USP40: variants seen among roughly 807,000 people sequenced by gnomAD.
The protein encoded by USP40 is ubiquitin carboxyl-terminal hydrolase 40.
A neutral mutation model predicts 166.2 loss-of-function variants in USP40; 143 were observed. The ratio of observed to expected loss-of-function variants is 0.86; its 90% CI spans 0.75 to 0.99. The LOEUF is 0.99. USP40 is among the 50% of genes least tolerant of loss of function. USP40 has a pLI of 0.00. For missense variants in USP40, 1,444 were observed against 1,479.7 expected, an observed-to-expected ratio of 0.98 and a Z score of 0.40; for synonymous variants, 498 against 524.0, an observed-to-expected ratio of 0.95 and a Z score of 0.68.
chr2:233,557,035 C>T lies in USP40; in HGVS notation c.382-16G>A. 6.3e-7 allele frequency: 1 copy of T among 1,591,528 alleles called. No homozygotes were observed. The highest frequency in any genetic ancestry group is 8.5e-7 in the Non-Finnish European group (1 of 1,170,650). Reference sequence around the variant, plus strand: ...GCCTCATTTCCTACAAAACAGGTAACTTTTAGATGTAATTCCGGGCTTCAG... The same window carrying T: ...GCCTCATTTCCTACAAAACAGGTAATTTTTAGATGTAATTCCGGGCTTCAG... On this transcript the variant is annotated splice_polypyrimidine_tract_variant and intron_variant, in intron 4 of 31. Coordinates refer to ENST00000678225, the MANE Select transcript of USP40 (RefSeq NM_001365479.2).
At position 233,481,255 on chromosome 2, in the gene USP40, C is replaced by A; in HGVS notation, c.3547G>T (p.Asp1183Tyr). Residue 1183 changes from aspartate to tyrosine, a missense_variant, in exon 31 of 32, where the codon GAT (aspartate) becomes TAT (tyrosine). By Grantham distance (160) the Asp-to-Tyr change is radical. Transcript: ENST00000678225. The stretch of plus-strand genomic sequence containing the variant: ...TTCTGCTTTTCTTTTCCAGTGTCAT[C>A]TCTGATTGTACTGAAATCATCATCG... ...DDDDDFSTIR[D>Y]DTGKEKQKQR... 2 of 1,608,152 alleles carry A rather than the reference C, an allele frequency of 1.2e-6. No homozygotes were observed. The highest frequency in any genetic ancestry group is 1.7e-6 in the Non-Finnish European group (2 of 1,177,118).
intron 10 of USP40, among the ~76,000 whole-genome samples, chr2:233,538,803 G>T: frequency 6.6e-6 from 1 of 152,106 alleles, no homozygotes; most frequent in East Asian, 1.9e-4. Context: ...GATCTCTTGA[G>T]CCCAGAAGTT....
chr2:233,518,548 CAG>C (rs1431449624), intron 18 of USP40, among the ~76,000 whole-genome samples: 2 of 123,266 alleles, frequency 1.6e-5, no homozygotes, highest in African/African-American at 6.3e-5. Context: ...GCCTGGCTGA[CAG>C]AGTGAGACTC....
chr2:233,478,755 G>A (rs1166060976), intron 31 of USP40, among the ~76,000 whole-genome samples: 5 of 152,164 alleles, frequency 3.3e-5, no homozygotes, highest in South Asian at 2.1e-4. Context: ...ACCATGAGAC[G>A]GGGCAGCTGA....
chr2:233,565,258 A>G (rs2072034900), intron 2 of USP40, 98 bp downstream of exon 2: 1 of 933,092 alleles, frequency 1.1e-6, no homozygotes, highest in Admixed American at 2.7e-5. Context: ...TGTAGAATAT[A>G]TCTTTAAGAT....
chr2:233,565,558 G>A lies in USP40; in HGVS notation c.-4C>T, dbSNP rs1035084847. 9 of 1,536,208 alleles carry A rather than the reference G, an allele frequency of 5.9e-6. No individual in the cohort carries two copies. The African/African-American group carries it at 1.2e-4, about 21-fold the overall frequency. ...CTTCAAACAGGTCCCCAAACATTGT[G>A]AAACTAAATACTACCCTTAAAAAAA... On this transcript the variant is annotated 5_prime_UTR_variant, in exon 2 of 32. Transcript: ENST00000678225.
chr2:233,538,934 T>C (rs2069141541), intron 10 of USP40, among the ~76,000 whole-genome samples: 1 of 152,046 alleles, frequency 6.6e-6, no homozygotes, highest in Non-Finnish European at 1.5e-5. Flanking sequence ...GAGGTTGAGC[T>C]AGGAGGATCA....
In USP40 at chr2:233,487,951, A is replaced by C. The variant is rs897376021; in HGVS notation, c.3197+288T>G. 6.5e-6 allele frequency: 4 copies of C among 613,854 alleles called. No individual in the cohort carries two copies. The African/African-American group carries it at 7.3e-5, about 11-fold the overall frequency. 38.0% of individuals were successfully genotyped at this position (613,854 alleles called of 1,614,324 possible). On this transcript the variant is annotated intron_variant, in intron 28 of 31. Coordinates refer to ENST00000678225, the MANE Select transcript of USP40 (RefSeq NM_001365479.2). Reference sequence around the variant, plus strand: ...CAGACTGTCCGAACACACTGACAACAGCTGCGGGTGGGCCTCTTGCTGACA... The same window carrying C: ...CAGACTGTCCGAACACACTGACAACCGCTGCGGGTGGGCCTCTTGCTGACA...
In USP40 at chr2:233,479,957, T is replaced by C. The variant is rs138924917; in HGVS notation, c.3599+1246A>G. Among the ~76,000 whole-genome samples the C allele has an allele frequency of 6.4e-3, 979 of 152,240 alleles. 5 individuals are homozygous for C. The highest frequency in any genetic ancestry group is 0.022 in the African/African-American group (926 of 41,522). On this transcript the variant is annotated intron_variant, in intron 31 of 31. Coordinates refer to ENST00000678225, the MANE Select transcript of USP40 (RefSeq NM_001365479.2). ...AGTCCCTACCCACCTCCATCTTCAC[T>C]CAGGGAGTCTCCTCGCTCGGCTCCC...
At chr2:233,564,061 C>T (rs2071913845) in intron 2 of USP40, among the ~76,000 whole-genome samples, 1 of 152,166 alleles carries the variant, frequency 6.6e-6, no homozygotes, top group Admixed American at 6.5e-5. Flanking sequence ...TTACTGATTG[C>T]ATCAGGGAGA....
chr2:233,543,499 C>T (rs1056413553), intron 8 of USP40, among the ~76,000 whole-genome samples: 1 of 152,126 alleles, frequency 6.6e-6, no homozygotes, highest in East Asian at 1.9e-4. Flanking sequence ...AAAATTCATA[C>T]GTTGAAACCT....
chr2:233,542,410 G>T (rs766505634), intron 8 of USP40, 47 bp from the exon 9 acceptor site: 1 of 1,188,596 alleles, frequency 8.4e-7, no homozygotes, highest in African/African-American at 1.5e-5. Context: ...CCCTTAAAAA[G>T]TAACAAAATA....
intron 23 of USP40, among the ~76,000 whole-genome samples, chr2:233,497,145 G>C (rs956718638): frequency 6.6e-6 from 1 of 152,178 alleles, no homozygotes; most frequent in African/African-American, 2.4e-5. Flanking sequence ...TGGAAAGCTA[G>C]AGAAAATAAC....
chr2:233,481,386 T>G (rs1469086355), intron 30 of USP40, 89 bp from the exon 31 acceptor site: 5 of 1,114,858 alleles, frequency 4.5e-6, no homozygotes, highest in Non-Finnish European at 6.5e-6. Context: ...CTACCTATAT[T>G]GACAAAAGAA....
intron 5 of USP40, among the ~76,000 whole-genome samples, chr2:233,555,436 G>C (rs537870065): frequency 2.6e-4 from 40 of 152,192 alleles, no homozygotes; most frequent in Admixed American, 2.3e-3. Flanking sequence ...TCATGGTGAA[G>C]ATTTCAAGTA....
intron 27 of USP40, 22 bp downstream of exon 27, chr2:233,489,343 T>C (rs2065154900): frequency 1.3e-6 from 2 of 1,557,160 alleles, no homozygotes; most frequent in Non-Finnish European, 1.7e-6. Flanking sequence ...AGGGACAGTG[T>C]TGCGTCCAGC....
At chr2:233,503,232 A>G (rs1044785742) in intron 21 of USP40, among the ~76,000 whole-genome samples, 3 of 152,228 alleles carry the variant, frequency 2.0e-5, no homozygotes, top group African/African-American at 7.2e-5. Context: ...AAGAATAAAA[A>G]GAATTAACAA....
intron 3 of USP40, among the ~76,000 whole-genome samples, chr2:233,562,497 T>C (rs1318054701): frequency 6.8e-6 from 1 of 146,320 alleles, no homozygotes; most frequent in Non-Finnish European, 1.5e-5. Flanking sequence ...TTCTCACTCG[T>C]AGGTGGGAAT....
At chr2:233,494,922 A>ATATATATATATATATATATATATATATT (rs2065591648) in intron 24 of USP40, among the ~76,000 whole-genome samples, 2 of 25,548 alleles carry the variant, frequency 7.8e-5, no homozygotes, top group Non-Finnish European at 1.4e-4. Context: ...TGGCATATAT[A>ATATATATATATATATATATATATATATT]TATATATATA....
Sources: allele counts gnomAD v4.1 joint callset (sites outside exome capture counted in the v4.1 genomes callset), GRCh38; gene constraint gnomAD v4.1.1; transcripts MANE v1.5; gene names NCBI Gene and HGNC (gene_info 2026-07-23, HGNC 2026-07-21).